Variants in RPL3 observed in about 807,000 individuals in gnomAD.
RPL3 encodes the protein large ribosomal subunit protein uL3.
RPL3 carries 3 observed loss-of-function variants against 46.0 expected under a neutral mutation model. The ratio of observed to expected loss-of-function variants is 0.07; its 90% CI spans 0.03 to 0.17. RPL3 has a LOEUF of 0.17. RPL3 is among the 10% of genes least tolerant of loss of function. The probability of loss-of-function intolerance (pLI) is 1.00; values close to 1 mark genes in which losing one functional copy is unlikely to be tolerated. For missense variants in RPL3, 387 were observed against 532.7 expected (o/e 0.73, Z 2.69); for synonymous variants, 224 against 190.8 (o/e 1.17, Z -1.43).
chr22:39,314,246 G>A, intron 6 of RPL3, 38 bp from the exon 7 acceptor site: 6 of 1,557,868 alleles, frequency 3.9e-6, no homozygotes, highest in Non-Finnish European at 4.4e-6. Flanking sequence ...GGGGCATTAG[G>A]GACAAATAAC....
chr22:39,312,940 T>C lies in RPL3; in HGVS notation c.1212A>G (p.Ter404=). 6.2e-7 allele frequency: 1 copy of C among 1,614,172 alleles called. No individual in the cohort carries two copies. The highest frequency in any genetic ancestry group is 8.5e-7 in the Non-Finnish European group (1 of 1,179,984). The change falls in exon 10 of 10, where the codon TAA becomes TAG. Residue 404 remains the stop codon, a stop_retained_variant. Coordinates refer to ENST00000216146, the MANE Select transcript of RPL3 (RefSeq NM_000967.4). ...KDRIAKEEGA[*] ...CCAACTGCAAAATCTGTTCCTGGCA[T>C]TAAGCTCCTTCTTCCTTTGCAATTC...
At chr22:39,314,070 T>A in intron 7 of RPL3, 37 bp downstream of exon 7, 1 of 1,563,996 alleles carries the variant, frequency 6.4e-7, no homozygotes, top group Non-Finnish European at 8.8e-7. Flanking sequence ...GCACGAGGCC[T>A]GGGATGGCCT....
At chr22:39,316,285 C>T (rs1440781745) in intron 4 of RPL3, among the ~76,000 whole-genome samples, 2 of 151,458 alleles carry the variant, frequency 1.3e-5, no homozygotes, top group Non-Finnish European at 2.9e-5. Context: ...CACTCAAGGA[C>T]AGCCTGGCAA....
At chr22:39,316,580 G>A in intron 4 of RPL3, 126 bp downstream of exon 4, 1 of 1,231,094 alleles carries the variant, frequency 8.1e-7, no homozygotes. Context: ...GGGCCAGTAA[G>A]GACACAGTGC....
At chr22:39,316,172 G>A (rs1017814954) in intron 4 of RPL3, among the ~76,000 whole-genome samples, 20 of 151,986 alleles carry the variant, frequency 1.3e-4, no homozygotes, top group African/African-American at 4.8e-4. Context: ...CTAGAAAGTG[G>A]AGGTTGCAGT....
At chr22:39,319,049 C>G in intron 1 of RPL3, 1 of 537,764 alleles carries the variant, frequency 1.9e-6, no homozygotes, top group Non-Finnish European at 3.8e-6. Context: ...CTCCGCAGAG[C>G]CAAATCAGAA....
chr22:39,314,921 C>G, intron 5 of RPL3, 75 bp from the exon 6 acceptor site: 1 of 1,561,224 alleles, frequency 6.4e-7, no homozygotes, highest in South Asian at 1.2e-5. Context: ...TCAGCAATTA[C>G]CAACCATGGC....
At position 39,318,599 on chromosome 22, in the gene RPL3, G is replaced by A. The variant is rs750304223; in HGVS notation, c.4-7C>T. On this transcript the variant is annotated splice_polypyrimidine_tract_variant and splice_region_variant and intron_variant, in intron 1 of 9. Transcript: ENST00000216146. ...CGGAGAACTTTCTGTGAGACTAGGT[G>A]GGAAAAAAATCACCGTCAGCACCCA... The A allele has an allele frequency of 9.3e-5, 149 of 1,600,964 alleles. No homozygotes were observed. The highest frequency in any genetic ancestry group is 3.7e-4 in the Admixed American group (21 of 57,362).
chr22:39,315,116 T>C, intron 5 of RPL3: 1 of 770,638 alleles, frequency 1.3e-6, no homozygotes. Context: ...AGCTCCCCTT[T>C]GCAGTTATCA....
chr22:39,316,196 G>GCACT (rs1922678135), intron 4 of RPL3, among the ~76,000 whole-genome samples: 1 of 151,260 alleles, frequency 6.6e-6, no homozygotes, highest in Admixed American at 6.6e-5. Flanking sequence ...CTGAGATAGG[G>GCACT]CTATTGCACT....
chr22:39,314,144 G>C lies in RPL3; in HGVS notation c.914C>G (p.Thr305Ser), dbSNP rs1922531388. 6.2e-7 allele frequency: 1 copy of C among 1,613,232 alleles called. No individual in the cohort carries two copies. Among genetic ancestry groups the C allele is most frequent in the African/African-American group, 1.3e-5 (1 of 74,916 alleles). The change falls in exon 7 of 10, where the codon ACT becomes AGT. Residue 305 changes from threonine (T) to serine (S), a missense_variant. This residue lies in a region of RPL3 where 131 missense variants were observed against 185.1 expected (regional missense o/e 0.71). Transcript: ENST00000216146. ...GCTCTTGTCAGATAGGTCATAGTCA[G>C]TGGAGGCATTGTTCTTGATCAGCTT... ...DGKLIKNNAS[T>S]DYDLSDKSIN...
chr22:39,315,076 C>A (rs991227295), intron 5 of RPL3: 7 of 698,544 alleles, frequency 1.0e-5, no homozygotes, highest in South Asian at 1.7e-5. Flanking sequence ...TAAGCTCCCC[C>A]ATTCACAGGG....
chr22:39,313,698 T>C lies in RPL3; in HGVS notation c.983A>G (p.Asn328Ser), dbSNP rs930612882. The change falls in exon 8 of 10, where the codon AAT (asparagine) becomes AGT (serine). Residue 328 changes from asparagine (N) to serine (S), a missense_variant. Physicochemically the swap from Asn to Ser is conservative, Grantham distance 46 (BLOSUM62 1). This residue lies in a region of RPL3 where 131 missense variants were observed against 185.1 expected (regional missense o/e 0.71). Coordinates refer to ENST00000216146, the MANE Select transcript of RPL3 (RefSeq NM_000967.4). ...ACAGCCTTTCAGCATGACAAAGTCA[T>C]TGGTCACTTCACCATAGTGGACAAA... Reference protein sequence around the residue: ...GGFVHYGEVTNDFVMLKGCVV... With the variant: ...GGFVHYGEVTSDFVMLKGCVV... 4 of 1,614,096 alleles carry C rather than the reference T, an allele frequency of 2.5e-6. No homozygotes were observed. The highest frequency in any genetic ancestry group is 1.3e-5 in the African/African-American group (1 of 75,044).
chr22:39,319,009 T>C (rs1457821798), intron 1 of RPL3: 3 of 538,830 alleles, frequency 5.6e-6, no homozygotes, highest in South Asian at 4.2e-5. Context: ...GCCCGGACAC[T>C]AATTACACTG....
chr22:39,314,646 G>GCC, intron 6 of RPL3, 40 bp downstream of exon 6: 1 of 1,584,064 alleles, frequency 6.3e-7, no homozygotes, highest in Non-Finnish European at 8.6e-7. Flanking sequence ...CATCACGGGG[G>GCC]CCTCTTCCCA....
At chr22:39,313,406 C>T (rs936644752) in intron 8 of RPL3, 96 bp from the exon 9 acceptor site, 46 of 1,556,922 alleles carry the variant, frequency 3.0e-5, no homozygotes, top group Non-Finnish European at 3.8e-5. Context: ...GCCACACGAT[C>T]AATTCAGCCT....
At chr22:39,319,469 C>A (rs1461951971) in intron 1 of RPL3, 126 bp downstream of exon 1, 1 of 1,315,608 alleles carries the variant, frequency 7.6e-7, no homozygotes, top group Middle Eastern at 1.8e-4. Context: ...CTGAAGTCCC[C>A]GCTGGGTCGC....
Position 39,316,326 on chromosome 22 carries a change from C to T in RPL3, c.501+380G>A, listed in dbSNP as rs576505710. Among the ~76,000 whole-genome samples, 3 of 152,206 alleles carry T rather than the reference C, an allele frequency of 2.0e-5. No individual in the cohort carries two copies. In the East Asian group the frequency reaches 5.8e-4, roughly 29 times the overall value. On this transcript the variant is annotated intron_variant, in intron 4 of 9. Coordinates refer to ENST00000216146, the MANE Select transcript of RPL3 (RefSeq NM_000967.4). Reference sequence around the variant, plus strand: ...TGACAAAATTTCAACGGTGGACATGCACTCTCATCCGTGGTGGCCCTCACC... The same window carrying T: ...TGACAAAATTTCAACGGTGGACATGTACTCTCATCCGTGGTGGCCCTCACC...
chr22:39,312,963 T>C lies in RPL3; in HGVS notation c.1189A>G (p.Ile397Val). ...CATTAAGCTCCTTCTTCCTTTGCAA[T>C]TCGGTCTTTCTTCAGTGGTCCCTGT... ...AFMGPLKKDR[I>V]AKEEGA The change falls in exon 10 of 10, where the codon ATT (isoleucine) becomes GTT (valine). Residue 397 changes from isoleucine to valine, a missense_variant. Transcript: ENST00000216146. The C allele has an allele frequency of 6.2e-7, 1 of 1,614,154 alleles. No homozygotes were observed. Among genetic ancestry groups the C allele is most frequent in the Non-Finnish European group, 8.5e-7 (1 of 1,179,994 alleles).
Sources: gnomAD v4.1 joint callset for allele counts (sites outside exome capture counted in the v4.1 genomes callset) on GRCh38, gnomAD v4.1.1 for gene constraint, gnomAD v4.1.1 regional missense constraint, MANE v1.5 for transcripts, NCBI Gene and HGNC (gene_info 2026-07-23, HGNC 2026-07-21) for gene names.